HSD17B12: variants seen among roughly 807,000 people sequenced by gnomAD.
The protein encoded by HSD17B12 is hydroxysteroid 17-beta dehydrogenase 12.
Under a neutral mutation model 39.3 loss-of-function variants are expected in HSD17B12, and 32 were observed. The ratio of observed to expected loss-of-function variants is 0.81; its 90% CI spans 0.61 to 1.09. The LOEUF is 1.09. HSD17B12 is among the 50% of genes least tolerant of loss of function. The probability of loss-of-function intolerance (pLI) is 0.00; values close to 1 mark genes in which losing one functional copy is unlikely to be tolerated. For synonymous variants in HSD17B12, 150 were observed against 146.7 expected (o/e 1.02, Z -0.16); for missense variants, 342 against 382.9 (o/e 0.89, Z 0.89).
intron 3 of HSD17B12, among the ~76,000 whole-genome samples, chr11:43,777,703 C>T (rs1405067860): frequency 3.3e-5 from 5 of 152,182 alleles, no homozygotes; most frequent in South Asian, 2.1e-4. Flanking sequence ...AAGGGAATGC[C>T]TCCAGTTTTT....
At chr11:43,617,675 C>A in the HSD17B12 span, among the ~76,000 whole-genome samples, 1 of 152,068 alleles carries the variant, frequency 6.6e-6, no homozygotes, top group Admixed American at 6.6e-5. Flanking sequence ...CAAAACCAAG[C>A]CCCTGAGTCA....
At chr11:43,601,689 A>G in the HSD17B12 span, among the ~76,000 whole-genome samples, 1 of 152,134 alleles carries the variant, frequency 6.6e-6, no homozygotes, top group Non-Finnish European at 1.5e-5. Context: ...TTCATGTCCC[A>G]TTCAGGACAT....
the HSD17B12 span, among the ~76,000 whole-genome samples, chr11:43,637,609 G>A: frequency 7.6e-4 from 116 of 152,262 alleles, no homozygotes; most frequent in African/African-American, 2.7e-3. Context: ...GATTGTCATG[G>A]TCTTAATGGA....
chr11:43,619,170 TATATATATATAAAATATATATATATATG>T, the HSD17B12 span, among the ~76,000 whole-genome samples: 436 of 79,172 alleles, frequency 5.5e-3, 4 homozygotes, highest in Admixed American at 7.8e-3. Context: ...ATATGATATA[TATATATATATAAAATATATATATATATG>T]ATATATATAT....
At chr11:43,619,258 ATT>A in the HSD17B12 span, among the ~76,000 whole-genome samples, 39 of 82,490 alleles carry the variant, frequency 4.7e-4, no homozygotes, top group Non-Finnish European at 6.9e-4. Flanking sequence ...ATATATATAT[ATT>A]TTATATATAT....
chr11:43,680,891 C>A lies in HSD17B12; in HGVS notation c.64C>A (p.Leu22Ile). 1 of 1,614,092 alleles carries A rather than the reference C, an allele frequency of 6.2e-7. No homozygotes were observed. The highest frequency in any genetic ancestry group is 1.3e-5 in the African/African-American group (1 of 75,046). ...YWVGAGTVAY[L>I]ALRISYSLFT... ...GGTCGGCGCGGGCACCGTGGCCTAC[C>A]TAGCCCTGCGTATTTCGTACTCGCT... The change falls in exon 1 of 11, where the codon CTA becomes ATA. Residue 22 changes from leucine (L) to isoleucine (I), a missense_variant. Coordinates refer to ENST00000278353, the MANE Select transcript of HSD17B12 (RefSeq NM_016142.3).
intron 1 of HSD17B12, among the ~76,000 whole-genome samples, chr11:43,721,608 G>C (rs1950176885): frequency 6.6e-6 from 1 of 152,048 alleles, no homozygotes; most frequent in South Asian, 2.1e-4. Flanking sequence ...GACAGAGCGA[G>C]ACTCCATCTC....
At chr11:43,777,553 C>G (rs7396443) in intron 3 of HSD17B12, among the ~76,000 whole-genome samples, 2,386 of 152,260 alleles carry the variant, frequency 0.016, 77 homozygotes, top group African/African-American at 0.052. Flanking sequence ...TGTCTGCAAA[C>G]AGGGACAATT....
upstream of HSD17B12, among the ~76,000 whole-genome samples, chr11:43,679,536 A>G (rs1270578479): frequency 6.6e-6 from 1 of 152,166 alleles, no homozygotes; most frequent in Non-Finnish European, 1.5e-5. Flanking sequence ...TTGCTAACGT[A>G]GTTCCCATGC....
At chr11:43,697,478 A>G (rs1019530646) in intron 1 of HSD17B12, among the ~76,000 whole-genome samples, 6 of 152,226 alleles carry the variant, frequency 3.9e-5, no homozygotes, top group Non-Finnish European at 5.9e-5. Flanking sequence ...ACATAATGTA[A>G]TAAGGTAGAT....
At chr11:43,832,397 T>C (rs1951320213) in intron 7 of HSD17B12, among the ~76,000 whole-genome samples, 1 of 152,248 alleles carries the variant, frequency 6.6e-6, no homozygotes, top group South Asian at 2.1e-4. Flanking sequence ...GAAAACCATA[T>C]CAAAAGAGAT....
chr11:43,732,873 G>T (rs1474069692), intron 1 of HSD17B12, among the ~76,000 whole-genome samples: 1 of 152,136 alleles, frequency 6.6e-6, no homozygotes, highest in Non-Finnish European at 1.5e-5. Flanking sequence ...CCTGGCTCAG[G>T]CAATCGTCTT....
the HSD17B12 span, among the ~76,000 whole-genome samples, chr11:43,633,978 G>A: frequency 3.3e-5 from 5 of 150,040 alleles, no homozygotes; most frequent in African/African-American, 1.2e-4. Context: ...GGAGGGTGAG[G>A]CAGGAGACTC....
intron 1 of HSD17B12, chr11:43,681,214 G>A (rs907021119): frequency 2.4e-6 from 3 of 1,268,560 alleles, no homozygotes; most frequent in Admixed American, 3.7e-5. Flanking sequence ...TCAATCCTGG[G>A]AATCTAAGCT....
At chr11:43,609,705 A>C in the HSD17B12 span, among the ~76,000 whole-genome samples, 22 of 152,120 alleles carry the variant, frequency 1.4e-4, no homozygotes, top group African/African-American at 4.8e-4. Flanking sequence ...TGTCTGGTAA[A>C]GAAAGAGGAC....
chr11:43,818,929 C>T (rs1306771197), intron 6 of HSD17B12, among the ~76,000 whole-genome samples: 1 of 152,122 alleles, frequency 6.6e-6, no homozygotes, highest in Non-Finnish European at 1.5e-5. Context: ...TTTTAGTCTA[C>T]AACGTATATA....
intron 3 of HSD17B12, among the ~76,000 whole-genome samples, chr11:43,770,854 G>A (rs978870799): frequency 1.3e-5 from 2 of 152,128 alleles, no homozygotes; most frequent in African/African-American, 4.8e-5. Flanking sequence ...TTTGTAAGAC[G>A]CATAGAACAT....
chr11:43,582,951 T>C, the HSD17B12 span, among the ~76,000 whole-genome samples: 3 of 152,132 alleles, frequency 2.0e-5, no homozygotes, highest in Non-Finnish European at 4.4e-5. Context: ...CTCCGGGGAT[T>C]TTCCTCCCTG....
At chr11:43,610,111 C>A in the HSD17B12 span, among the ~76,000 whole-genome samples, 1 of 152,122 alleles carries the variant, frequency 6.6e-6, no homozygotes, top group Non-Finnish European at 1.5e-5. Context: ...GGATTTCTTT[C>A]TGAATGTATT....
Sources: gnomAD v4.1 joint callset for allele counts (sites outside exome capture counted in the v4.1 genomes callset) on GRCh38, gnomAD v4.1.1 for gene constraint, MANE v1.5 for transcripts, NCBI Gene and HGNC (gene_info 2026-07-23, HGNC 2026-07-21) for gene names.